CAPN7: variants seen among roughly 807,000 people sequenced by gnomAD.
CAPN7 encodes calpain 7.
CAPN7 carries 72 observed loss-of-function variants against 115.2 expected under a neutral mutation model. That is an observed-to-expected ratio of 0.63 (90% CI 0.52 to 0.76). CAPN7 has a LOEUF of 0.76. Ranked by LOEUF, CAPN7 falls within the 30% of genes least tolerant of loss-of-function variation. The pLI, the probability that CAPN7 is intolerant of heterozygous loss-of-function variation, is 0.00. For synonymous variants in CAPN7, 344 were observed against 322.3 expected (o/e 1.07, Z -0.72); for missense variants, 905 against 971.5 (o/e 0.93, Z 0.91).
intron 4 of CAPN7, among the ~76,000 whole-genome samples, chr3:15,218,943 T>G (rs1469774443): frequency 1.3e-5 from 2 of 152,234 alleles, no homozygotes; most frequent in East Asian, 3.8e-4. Flanking sequence ...CTTTCACCTC[T>G]TAGCTGAAAT....
intron 2 of CAPN7, among the ~76,000 whole-genome samples, chr3:15,214,222 C>T (rs1259722285): frequency 6.6e-6 from 1 of 152,234 alleles, no homozygotes; most frequent in East Asian, 1.9e-4. Context: ...GTTTTACCAA[C>T]TTCTTTCTGC....
At chr3:15,209,019 T>C (rs1360801139) in intron 1 of CAPN7, among the ~76,000 whole-genome samples, 1 of 151,484 alleles carries the variant, frequency 6.6e-6, no homozygotes, top group African/African-American at 2.4e-5. Flanking sequence ...TCTTTTTTCC[T>C]TTTTTTTTGA....
intron 10 of CAPN7, among the ~76,000 whole-genome samples, chr3:15,232,870 G>T (rs1263274805): frequency 2.0e-5 from 3 of 152,190 alleles, no homozygotes; most frequent in Admixed American, 6.5e-5. Flanking sequence ...GTCTGCTTTT[G>T]TTGGGATACA....
At chr3:15,245,484 A>G (rs766789993) in intron 16 of CAPN7, 42 bp from the exon 17 acceptor site, 13 of 1,571,174 alleles carry the variant, frequency 8.3e-6, no homozygotes, top group South Asian at 1.2e-5. Flanking sequence ...AATTAAAGAA[A>G]GAAAAGTCTC....
At chr3:15,237,975 T>G (rs1462298925) in intron 12 of CAPN7, among the ~76,000 whole-genome samples, 1 of 151,956 alleles carries the variant, frequency 6.6e-6, no homozygotes, top group African/African-American at 2.4e-5. Flanking sequence ...CCTCAAAAAA[T>G]GTATATTTAT....
At chr3:15,211,571 A>G (rs1454368830) in intron 1 of CAPN7, among the ~76,000 whole-genome samples, 2 of 149,512 alleles carry the variant, frequency 1.3e-5, no homozygotes, top group African/African-American at 4.9e-5. Context: ...CCTAATTCTG[A>G]CTCTATCTTT....
chr3:15,234,174 G>A (rs549814573), intron 11 of CAPN7, among the ~76,000 whole-genome samples: 3 of 152,256 alleles, frequency 2.0e-5, no homozygotes, highest in African/African-American at 4.8e-5. Context: ...AAATTAGCCG[G>A]ATGTGGTGGC....
Position 15,240,478 on chromosome 3 carries a change from G to A in CAPN7, c.1413G>A (p.Leu471=), listed in dbSNP as rs769201851. ...CCTGTTTCTTTTTTATATAGGGGCT[G>A]CGATTTATCCAGTTGAAAAATCCTT... ...AVLDIREFKG[L]RFIQLKNPWS... Residue 471 remains leucine, a synonymous_variant, in exon 13 of 21, where the codon CTG becomes CTA. Coordinates refer to ENST00000253693, the MANE Select transcript of CAPN7 (RefSeq NM_014296.3). 7 of 1,609,316 alleles carry A rather than the reference G, an allele frequency of 4.3e-6. No homozygotes were observed. In the African/African-American group the frequency reaches 6.7e-5, roughly 15 times the overall value.
At chr3:15,231,862 T>A (rs1176787564) in intron 9 of CAPN7, among the ~76,000 whole-genome samples, 1 of 152,152 alleles carries the variant, frequency 6.6e-6, no homozygotes, top group Non-Finnish European at 1.5e-5. Flanking sequence ...AGATACTGTA[T>A]CTGATGACTT....
intron 11 of CAPN7, 146 bp downstream of exon 11, chr3:15,234,119 C>T (rs1343949666): frequency 3.8e-6 from 2 of 524,068 alleles, no homozygotes; most frequent in African/African-American, 2.0e-5. Flanking sequence ...AGTTGGAGGA[C>T]CAGCCTGACC....
In CAPN7 at chr3:15,228,855, G is replaced by A. The variant is rs7637400; in HGVS notation, c.853-119G>A. ...CACATGTACCCCCGAACCTAAAATAGAAGTTTTAAGAAAAGATATTTAGTA... is the reference window on the plus strand; with the variant it reads ...CACATGTACCCCCGAACCTAAAATAAAAGTTTTAAGAAAAGATATTTAGTA... On this transcript the variant is annotated intron_variant, in intron 7 of 20. Coordinates refer to ENST00000253693, the MANE Select transcript of CAPN7 (RefSeq NM_014296.3). 26,075 of 709,086 alleles carry A rather than the reference G, an allele frequency of 0.037. 4,756 individuals carry two copies. The African/African-American group carries it at 0.4, about 11-fold the overall frequency. 43.9% of individuals were successfully genotyped at this position (709,086 alleles called of 1,614,324 possible).
intron 2 of CAPN7, among the ~76,000 whole-genome samples, chr3:15,215,986 T>C (rs984262947): frequency 2.0e-5 from 3 of 152,034 alleles, no homozygotes; most frequent in Non-Finnish European, 4.4e-5. Flanking sequence ...CTTGGGAGGC[T>C]GAGGCACAAG....
intron 1 of CAPN7, among the ~76,000 whole-genome samples, chr3:15,211,296 A>G (rs1575154229): frequency 6.6e-6 from 1 of 152,210 alleles, no homozygotes; most frequent in Non-Finnish European, 1.5e-5. Flanking sequence ...CGTGTGAATT[A>G]CTTGCAATCA....
intron 4 of CAPN7, among the ~76,000 whole-genome samples, chr3:15,219,271 A>T (rs913242499): frequency 5.3e-5 from 8 of 152,242 alleles, no homozygotes; most frequent in African/African-American, 1.9e-4. Flanking sequence ...CGAATTATAT[A>T]TCTTGAAAGA....
intron 14 of CAPN7, 124 bp downstream of exon 14, chr3:15,240,977 G>C: frequency 1.7e-6 from 1 of 595,308 alleles, no homozygotes; most frequent in Non-Finnish European, 2.9e-6. Context: ...GGCCGAGGTG[G>C]GTGGATCAGT....
At chr3:15,250,395 G>A (rs902306086) in intron 19 of CAPN7, among the ~76,000 whole-genome samples, 14 of 151,948 alleles carry the variant, frequency 9.2e-5, no homozygotes, top group Non-Finnish European at 1.9e-4. Context: ...GAGGTCGGGC[G>A]CAGTGGCTCA....
intron 6 of CAPN7, among the ~76,000 whole-genome samples, chr3:15,224,222 T>G (rs1213942397): frequency 6.6e-6 from 1 of 151,838 alleles, no homozygotes; most frequent in African/African-American, 2.4e-5. Flanking sequence ...GGAAAAAAAA[T>G]GTTCCCATTA....
chr3:15,217,991 C>A (rs565491731), intron 3 of CAPN7, among the ~76,000 whole-genome samples: 7 of 152,332 alleles, frequency 4.6e-5, no homozygotes, highest in African/African-American at 1.4e-4. Context: ...TTACTGCTCC[C>A]TGCTGAGCCT....
intron 14 of CAPN7, 148 bp from the exon 15 acceptor site, chr3:15,241,305 C>G (rs2124995869): frequency 3.0e-6 from 2 of 659,508 alleles, no homozygotes; most frequent in Non-Finnish European, 5.2e-6. Flanking sequence ...TGTTTTCTTT[C>G]CATGCTTCCT....
Sources: gnomAD v4.1 joint callset for allele counts (sites outside exome capture counted in the v4.1 genomes callset) on GRCh38, gnomAD v4.1.1 for gene constraint, MANE v1.5 for transcripts, NCBI Gene and HGNC (gene_info 2026-07-23, HGNC 2026-07-21) for gene names.